ANKRD31: variants seen among roughly 807,000 people sequenced by gnomAD.
ANKRD31 encodes ankyrin repeat domain 31.
Under a neutral mutation model 186.0 loss-of-function variants are expected in ANKRD31, and 147 were observed. That is an observed-to-expected ratio of 0.79 (90% CI 0.69 to 0.91). ANKRD31 has a LOEUF of 0.91. Among genes scored for constraint, ANKRD31 ranks in the 40% least tolerant of loss-of-function variants. The probability of loss-of-function intolerance (pLI) is 0.00; values close to 1 mark genes in which losing one functional copy is unlikely to be tolerated. For synonymous variants in ANKRD31, 673 were observed against 736.4 expected (o/e 0.91, Z 1.39); for missense variants, 1,986 against 2,148.8 (o/e 0.92, Z 1.50).
intron 15 of ANKRD31, 60 bp downstream of exon 15, chr5:75,143,941 G>C (rs1751238426): frequency 2.5e-6 from 1 of 395,668 alleles, no homozygotes; most frequent in African/African-American, 2.1e-5. Context: ...CCTTGAAGTA[G>C]AGTGAATTGC....
chr5:75,115,104 C>A (rs1409356310), intron 19 of ANKRD31, among the ~76,000 whole-genome samples: 3 of 151,474 alleles, frequency 2.0e-5, no homozygotes, highest in Admixed American at 6.6e-5. Flanking sequence ...AATAACGCTG[C>A]ATATCTACAA....
intron 22 of ANKRD31, among the ~76,000 whole-genome samples, chr5:75,100,841 G>A (rs1299482641): frequency 6.6e-6 from 1 of 152,148 alleles, no homozygotes; most frequent in East Asian, 1.9e-4. Context: ...TGGGTCTCCT[G>A]AATACAGCAC....
At chr5:75,174,705 C>A (rs563675343) in intron 10 of ANKRD31, among the ~76,000 whole-genome samples, 2 of 152,004 alleles carry the variant, frequency 1.3e-5, no homozygotes, top group Non-Finnish European at 2.9e-5. Flanking sequence ...AGTTAGAATG[C>A]GATCATTAAA....
chr5:75,091,157 T>C lies in ANKRD31; in HGVS notation c.5472+104A>G, dbSNP rs530537927. ...CAGAATGAACACATGAATACAAAACTAGCTTGGAGATCTTTCAGATTTCCT... is the reference window on the plus strand; with the variant it reads ...CAGAATGAACACATGAATACAAAACCAGCTTGGAGATCTTTCAGATTTCCT... On this transcript the variant is annotated intron_variant, in intron 23 of 25. Coordinates refer to ENST00000506364, the MANE Select transcript of ANKRD31 (RefSeq NM_001372053.1). The C allele has an allele frequency of 2.5e-5, 32 of 1,306,062 alleles. No individual in the cohort carries two copies. The East Asian group carries it at 7.1e-4, about 29-fold the overall frequency. The allele number at this position is 1,306,062 out of a possible 1,614,324, so 80.9% of individuals were successfully genotyped here. A position where few individuals can be genotyped will look rare whatever the true frequency, so the allele number is the denominator to read the frequency against.
chr5:75,220,053 G>C (rs1309969241), intron 3 of ANKRD31, among the ~76,000 whole-genome samples: 2 of 152,100 alleles, frequency 1.3e-5, no homozygotes, highest in African/African-American at 4.8e-5. Flanking sequence ...GATAACCTAG[G>C]AAATACCATT....
intron 22 of ANKRD31, among the ~76,000 whole-genome samples, chr5:75,099,975 T>A: frequency 6.6e-6 from 1 of 152,186 alleles, no homozygotes; most frequent in Non-Finnish European, 1.5e-5. Context: ...CTTTTGAATT[T>A]GTTTGCTCTT....
chr5:75,080,925 T>A (rs887809071), intron 24 of ANKRD31, among the ~76,000 whole-genome samples: 27 of 152,328 alleles, frequency 1.8e-4, no homozygotes, highest in South Asian at 2.1e-4. Context: ...AAAATTATTT[T>A]TTTTTTTTAG....
At chr5:75,220,955 C>T (rs889905250) in intron 3 of ANKRD31, among the ~76,000 whole-genome samples, 2 of 152,010 alleles carry the variant, frequency 1.3e-5, no homozygotes, top group Non-Finnish European at 2.9e-5. Context: ...CAAAAATTAC[C>T]CAGGCATGGT....
intron 17 of ANKRD31, among the ~76,000 whole-genome samples, chr5:75,134,736 T>C (rs930165101): frequency 1.3e-5 from 2 of 152,126 alleles, no homozygotes; most frequent in Non-Finnish European, 2.9e-5. Context: ...TTTGGACCAA[T>C]ATCCCTGATG....
At chr5:75,125,308 A>G (rs990723956) in intron 17 of ANKRD31, among the ~76,000 whole-genome samples, 64 of 152,146 alleles carry the variant, frequency 4.2e-4, no homozygotes, top group African/African-American at 1.5e-3. Context: ...TTATTTTTCT[A>G]TTTATTTAGA....
chr5:75,120,912 C>A (rs113214177), intron 17 of ANKRD31, among the ~76,000 whole-genome samples: 1 of 151,978 alleles, frequency 6.6e-6, no homozygotes, highest in Non-Finnish European at 1.5e-5. Context: ...ATAAAGGGTG[C>A]GGTGGCTCAC....
intron 3 of ANKRD31, among the ~76,000 whole-genome samples, chr5:75,219,608 T>C (rs1757164369): frequency 6.7e-6 from 1 of 148,994 alleles, no homozygotes; most frequent in South Asian, 2.1e-4. Flanking sequence ...ACAGATACAA[T>C]GCTATGACAT....
chr5:75,119,312 C>T (rs923109140), intron 17 of ANKRD31, among the ~76,000 whole-genome samples: 25 of 152,086 alleles, frequency 1.6e-4, no homozygotes, highest in African/African-American at 6.0e-4. Flanking sequence ...ATCATGTGTA[C>T]CCAATGTTTA....
In ANKRD31 at chr5:75,105,111, C is replaced by G; in HGVS notation, c.4448G>C (p.Ser1483Thr). 1 of 1,536,924 alleles carries G rather than the reference C, an allele frequency of 6.5e-7. No homozygotes were observed. The highest frequency in any genetic ancestry group is 8.7e-7 in the Non-Finnish European group (1 of 1,146,808). ...ATTCCTACAGTTTTGAATTTTCAGG[C>G]TTATTTTTTTCTGTTTTTTTGCCAC... is the stretch of plus-strand genomic sequence containing the variant. ...LVVAKKQKKI[S>T]LKIQNCRNVT... is the part of the protein sequence containing the mutation. Residue 1483 changes from serine (S) to threonine (T), a missense_variant, in exon 22 of 26, where the codon AGC becomes ACC. Ser to Thr is a moderately conservative substitution (Grantham distance 58). Coordinates refer to ENST00000506364, the MANE Select transcript of ANKRD31 (RefSeq NM_001372053.1).
At position 75,095,899 on chromosome 5, in the gene ANKRD31, T is replaced by C. The variant is rs112853205; in HGVS notation, c.5332-4498A>G. On this transcript the variant is annotated intron_variant, in intron 22 of 25. Transcript: ENST00000506364. ...GTTCTTGGAACATAGCTCCTGCATA[T>C]AAGGGGGCACTACTATATAGATCAA... Among the ~76,000 whole-genome samples, 457 of 152,250 alleles carry C rather than the reference T, an allele frequency of 3.0e-3. 3 individuals are homozygous for C. The highest frequency in any genetic ancestry group is 9.8e-3 in the African/African-American group (407 of 41,554).
chr5:75,201,536 C>G (rs1022104025), intron 5 of ANKRD31, among the ~76,000 whole-genome samples: 2 of 152,174 alleles, frequency 1.3e-5, no homozygotes, highest in Non-Finnish European at 2.9e-5. Flanking sequence ...AAAGAGATTT[C>G]ACTTTTCTTC....
chr5:75,153,137 G>A (rs1751949650), intron 12 of ANKRD31, among the ~76,000 whole-genome samples: 1 of 152,042 alleles, frequency 6.6e-6, no homozygotes, highest in African/African-American at 2.4e-5. Flanking sequence ...AATGTGGCAA[G>A]TAGCTAAAGC....
chr5:75,069,491 ACATATCC>A (rs1744041636), intron 25 of ANKRD31, among the ~76,000 whole-genome samples: 1 of 152,148 alleles, frequency 6.6e-6, no homozygotes, highest in Non-Finnish European at 1.5e-5. Context: ...AGGGGTCAGA[ACATATCC>A]CATTCAGAGA....
intron 10 of ANKRD31, among the ~76,000 whole-genome samples, chr5:75,179,870 A>G (rs1345296636): frequency 6.6e-6 from 1 of 152,148 alleles, no homozygotes; most frequent in Non-Finnish European, 1.5e-5. Flanking sequence ...ATACTTTTGG[A>G]AGTTCTGGCC....
Sources: allele counts gnomAD v4.1 joint callset (sites outside exome capture counted in the v4.1 genomes callset), GRCh38; gene constraint gnomAD v4.1.1; transcripts MANE v1.5; gene names NCBI Gene and HGNC (gene_info 2026-07-23, HGNC 2026-07-21).